The following SHISA5 variants were observed in gnomAD, a reference collection of about 807,000 sequenced individuals.
The protein encoded by SHISA5 is protein shisa-5.
SHISA5 carries 21 observed loss-of-function variants against 27.5 expected under a neutral mutation model. The observed-to-expected ratio is 0.76, with a 90% confidence interval of 0.54 to 1.10. The LOEUF (loss-of-function observed/expected upper bound fraction) is 1.10. Ranked by LOEUF, SHISA5 falls within the 50% of genes least tolerant of loss-of-function variation. The pLI, the probability that SHISA5 is intolerant of heterozygous loss-of-function variation, is 0.00. For missense variants in SHISA5, 314 were observed against 336.3 expected (o/e 0.93, Z 0.52); for synonymous variants, 137 against 142.2 (o/e 0.96, Z 0.26).
chr3:48,473,379 C>G lies in SHISA5; in HGVS notation c.315-3536G>C. On this transcript the variant is annotated intron_variant, in intron 3 of 5. Coordinates refer to ENST00000296444, the MANE Select transcript of SHISA5 (RefSeq NM_016479.6). The surrounding 1 kb of genome is among the most constrained non-coding windows in gnomAD (Gnocchi z 4.3). ...TAAGAGCCACCCCAGCCTCAGTGGGCCCCAACCACACTCTAGCTCAGCAGC... is the reference window on the plus strand; with the variant it reads ...TAAGAGCCACCCCAGCCTCAGTGGGGCCCAACCACACTCTAGCTCAGCAGC... 7.5e-7 allele frequency: 1 copy of G among 1,336,128 alleles called. No homozygotes were observed. Among genetic ancestry groups the G allele is most frequent in the South Asian group, 1.2e-5 (1 of 81,274 alleles). 82.8% of individuals were successfully genotyped at this position (1,336,128 alleles called of 1,614,324 possible).
chr3:48,504,089 A>G lies in SHISA5; in HGVS notation c.6T>C (p.Thr2=). The part of the protein sequence containing the change: M[T]APVPAPRILL... The stretch of plus-strand genomic sequence containing the variant: ...GGATCCGCGGCGCGGGGACCGGCGC[A>G]GTCATGGCTGGGCGGGCGGACGGGC... The change falls in exon 1 of 6, where the codon ACT becomes ACC. Residue 2 remains threonine, a synonymous_variant. Transcript: ENST00000296444. This position sits in a 1 kb window ranked among gnomAD's most constrained non-coding sequence, Gnocchi z 4.0. The G allele has an allele frequency of 2.2e-6, 3 of 1,345,964 alleles. No individual in the cohort carries two copies. Among genetic ancestry groups the G allele is most frequent in the Non-Finnish European group, 1.9e-6 (2 of 1,038,760 alleles). The allele number at this position is 1,345,964 out of a possible 1,614,324, so 83.4% of individuals were successfully genotyped here.
At position 48,484,788 on chromosome 3, in the gene SHISA5, G is replaced by A. The variant is rs1177788379; in HGVS notation, c.234-5531C>T. Among the ~76,000 whole-genome samples, 3 of 152,264 alleles carry A rather than the reference G, an allele frequency of 2.0e-5. No homozygotes were observed. The East Asian group carries it at 5.8e-4, about 29-fold the overall frequency. Reference sequence around the variant, plus strand: ...GGTGCCTGTAGCCCCAGCTACTCAGGAGGCTGAGGCAGGAGAATCGCTTGA... The same window carrying A: ...GGTGCCTGTAGCCCCAGCTACTCAGAAGGCTGAGGCAGGAGAATCGCTTGA... On this transcript the variant is annotated intron_variant, in intron 2 of 5. Transcript: ENST00000296444.
At chr3:48,474,145 T>A (rs576345181) in intron 3 of SHISA5, among the ~76,000 whole-genome samples, 295 of 151,980 alleles carry the variant, frequency 1.9e-3, no homozygotes, top group Non-Finnish European at 3.1e-3. Context: ...TGGAGTGCAG[T>A]GGCACGATCA....
intron 2 of SHISA5, among the ~76,000 whole-genome samples, chr3:48,493,686 C>T (rs2041486801): frequency 6.9e-6 from 1 of 144,700 alleles, no homozygotes; most frequent in Admixed American, 6.7e-5. Flanking sequence ...TGTGTGCCAC[C>T]ACACCCGGCT....
chr3:48,492,831 T>C (rs1243122828), intron 2 of SHISA5, among the ~76,000 whole-genome samples: 3 of 147,224 alleles, frequency 2.0e-5, no homozygotes, highest in African/African-American at 8.1e-5. Flanking sequence ...CAGATTAGCA[T>C]CCAAGATGGA....
At chr3:48,481,313 G>A (rs191514211) in intron 2 of SHISA5, among the ~76,000 whole-genome samples, 123 of 151,482 alleles carry the variant, frequency 8.1e-4, no homozygotes, top group African/African-American at 2.9e-3. Context: ...GGTGGCAGGC[G>A]CCTGTAATCC....
chr3:48,502,616 A>C (rs1370918815), intron 1 of SHISA5: 3 of 340,232 alleles, frequency 8.8e-6, no homozygotes, highest in South Asian at 6.6e-5. Flanking sequence ...GGAAGATGCT[A>C]CAGTCAAATG....
At chr3:48,489,489 T>C (rs2041354248) in intron 2 of SHISA5, among the ~76,000 whole-genome samples, 1 of 150,656 alleles carries the variant, frequency 6.6e-6, no homozygotes, top group Non-Finnish European at 1.5e-5. Context: ...CTGGCTAACT[T>C]TTTCTATTTT....
intron 2 of SHISA5, among the ~76,000 whole-genome samples, chr3:48,480,445 C>A (rs1027673904): frequency 6.6e-6 from 1 of 152,050 alleles, no homozygotes; most frequent in African/African-American, 2.4e-5. Flanking sequence ...GAAAATACAT[C>A]AAAATTCGTG....
chr3:48,496,496 T>C (rs115572573), intron 2 of SHISA5, among the ~76,000 whole-genome samples: 1,965 of 151,826 alleles, frequency 0.013, 30 homozygotes, highest in African/African-American at 0.045. Context: ...CATGGGAGGC[T>C]GAGGCGGATG....
In SHISA5 at chr3:48,468,291, T is replaced by C. The variant is rs78976328; in HGVS notation, c.*816A>G. The stretch of plus-strand genomic sequence containing the variant: ...ATGAAAACACTGCAGGGAAGAGAAC[T>C]GAGTGTGCTGGTGGACAGGAGCCCT... On this transcript the variant is annotated 3_prime_UTR_variant, in exon 6 of 6. Transcript: ENST00000296444. 56 of 1,018,794 alleles carry C rather than the reference T, an allele frequency of 5.5e-5. No homozygotes were observed. In the East Asian group the frequency reaches 4.3e-3, roughly 78 times the overall value. 63.1% of individuals were successfully genotyped at this position (1,018,794 alleles called of 1,614,324 possible).
intron 2 of SHISA5, among the ~76,000 whole-genome samples, chr3:48,488,556 G>C (rs1329099437): frequency 6.8e-6 from 1 of 146,220 alleles, no homozygotes; most frequent in South Asian, 2.3e-4. Flanking sequence ...TGAAAAGGCC[G>C]GGCGCGGTGG....
chr3:48,474,097 TA>T (rs2040736789), intron 3 of SHISA5, among the ~76,000 whole-genome samples: 1 of 151,938 alleles, frequency 6.6e-6, no homozygotes, highest in Middle Eastern at 3.4e-3. Context: ...TTATTATTAT[TA>T]TTTTTTTGAG....
chr3:48,472,288 G>A (rs2040658541), intron 3 of SHISA5, among the ~76,000 whole-genome samples: 1 of 151,980 alleles, frequency 6.6e-6, no homozygotes, highest in African/African-American at 2.4e-5. Context: ...AGGAATTTGA[G>A]ACCAGCCTGG....
intron 2 of SHISA5, among the ~76,000 whole-genome samples, chr3:48,485,114 G>A (rs2041155084): frequency 6.6e-6 from 1 of 152,086 alleles, no homozygotes; most frequent in South Asian, 2.1e-4. Context: ...GGTAGAGGCT[G>A]CAGTGAGCCG....
chr3:48,475,267 G>A (rs2040784566), intron 3 of SHISA5, among the ~76,000 whole-genome samples: 2 of 152,156 alleles, frequency 1.3e-5, no homozygotes, highest in Admixed American at 6.6e-5. Context: ...AAGGCCACAC[G>A]TGGCTACAGT....
chr3:48,492,150 C>CAAAAAA lies in SHISA5; in HGVS notation c.233+8981_233+8986dup, dbSNP rs1169630533. ...CCGGGAACAGAGCAAGACTCCATCT[C>CAAAAAA]AAAAAAAAAAAAAAAAAAAAAAAAA... On this transcript the variant is annotated intron_variant, in intron 2 of 5. Coordinates refer to ENST00000296444, the MANE Select transcript of SHISA5 (RefSeq NM_016479.6). Among the ~76,000 whole-genome samples, 7 of 18,920 alleles carry CAAAAAA rather than the reference C, an allele frequency of 3.7e-4. 1 individual carries two copies. The highest frequency in any genetic ancestry group is 7.6e-4 in the Non-Finnish European group (7 of 9,194). 12.4% of individuals were successfully genotyped at this position (18,920 alleles called of 152,430 possible).
intron 2 of SHISA5, among the ~76,000 whole-genome samples, chr3:48,496,416 A>AC (rs1439267007): frequency 9.2e-5 from 14 of 151,908 alleles, no homozygotes; most frequent in Admixed American, 2.0e-4. Context: ...ACATGGTGAA[A>AC]CCCCGTCTCT....
Position 48,469,304 on chromosome 3 carries a change from G to T in SHISA5, c.643+57C>A. ...ATGTAGTTTGGGATGGGTGCCCGAG[G>T]GATGCTGGCAGAGACTCGGGAAGTC... On this transcript the variant is annotated intron_variant, in intron 5 of 5. Transcript: ENST00000296444. This position sits in a 1 kb window ranked among gnomAD's most constrained non-coding sequence, Gnocchi z 4.6. The T allele has an allele frequency of 6.4e-7, 1 of 1,565,950 alleles. No homozygotes were observed. The highest frequency in any genetic ancestry group is 1.2e-5 in the South Asian group (1 of 82,680).
Sources: allele counts gnomAD v4.1 joint callset (sites outside exome capture counted in the v4.1 genomes callset), GRCh38; gene constraint gnomAD v4.1.1; non-coding constraint Gnocchi (gnomAD v3.1); transcripts MANE v1.5; gene names NCBI Gene and HGNC (gene_info 2026-07-23, HGNC 2026-07-21).